The following PLAGL2 variants were observed in gnomAD, a reference collection of about 807,000 sequenced individuals.
PLAGL2 encodes the protein PLAG1 like zinc finger 2, also known as zinc finger protein PLAGL2.
A neutral mutation model predicts 29.0 loss-of-function variants in PLAGL2; 7 were observed. The observed-to-expected ratio is 0.24, with a 90% CI of 0.14 to 0.45. The LOEUF is 0.45. Among genes scored for constraint, PLAGL2 ranks in the 20% least tolerant of loss-of-function variants. The pLI, the probability that PLAGL2 is intolerant of heterozygous loss-of-function variation, is 0.99. For synonymous variants in PLAGL2, 234 were observed against 266.0 expected (o/e 0.88, Z 1.17); for missense variants, 454 against 648.2 (o/e 0.70, Z 3.25).
At position 32,196,743 on chromosome 20, in the gene PLAGL2, G is replaced by A. The variant is rs575278114; in HGVS notation, c.1200C>T (p.Pro400=). The change falls in exon 3 of 3, where the codon CCC becomes CCT. Residue 400 remains proline (P), a synonymous_variant. Coordinates refer to ENST00000246229, the MANE Select transcript of PLAGL2 (RefSeq NM_002657.3). ...LLDEALLAKS[P]ANLSEALCAA... Reference sequence around the variant, plus strand: ...CGCAGAGGGCCTCAGAGAGGTTGGCGGGGCTCTTGGCAAGCAGTGCTTCAT... The same window carrying A: ...CGCAGAGGGCCTCAGAGAGGTTGGCAGGGCTCTTGGCAAGCAGTGCTTCAT... 17 of 1,591,938 alleles carry A rather than the reference G, an allele frequency of 1.1e-5. No homozygotes were observed. The highest frequency in any genetic ancestry group is 1.3e-5 in the African/African-American group (1 of 74,688).
intron 1 of PLAGL2, among the ~76,000 whole-genome samples, chr20:32,205,130 C>T (rs2047279635): frequency 6.6e-6 from 1 of 152,172 alleles, no homozygotes; most frequent in African/African-American, 2.4e-5. Flanking sequence ...TGAAATAATA[C>T]TCTTGAAAGT....
rs1569139726 is a variant in PLAGL2 at position 32,197,959 on chromosome 20, TATG to T, written c.261-280_261-278del. On this transcript the variant is annotated intron_variant, in intron 2 of 2. Coordinates refer to ENST00000246229, the MANE Select transcript of PLAGL2 (RefSeq NM_002657.3). The surrounding 1 kb of genome is among the most constrained non-coding windows in gnomAD (Gnocchi z 6.6). ...TCAATAGGGAACTGGTTACATAAAT[TATG>T]ATAAGTCCATAAAATGACTCAACTT... Among the ~76,000 whole-genome samples the T allele has an allele frequency of 1.3e-5, 2 of 152,164 alleles. No homozygotes were observed. The highest frequency in any genetic ancestry group is 4.8e-5 in the African/African-American group (2 of 41,428).
Position 32,196,514 on chromosome 20 carries a change from G to T in PLAGL2, c.1429C>A (p.Pro477Thr), listed in dbSNP as rs1339100730. The change falls in exon 3 of 3, where the codon CCT (proline) becomes ACT (threonine). Residue 477 changes from proline (P) to threonine (T), a missense_variant. Pro to Thr is a conservative substitution (Grantham distance 38, BLOSUM62 -1). Around this residue, in one of 4 missense-constraint regions of PLAGL2, gnomAD observed 247 missense variants for 350.3 expected, o/e 0.71. Transcript: ENST00000246229. Reference sequence around the variant, plus strand: ...CTACTCAGGCCAGACGTGAAGACAGGAGGCAAGGAGTGCAGAGGCCCAAAG... The same window carrying T: ...CTACTCAGGCCAGACGTGAAGACAGTAGGCAAGGAGTGCAGAGGCCCAAAG... ...LNFGPLHSLP[P>T]VFTSGLSSTT... 3 of 1,521,676 alleles carry T rather than the reference G, an allele frequency of 2.0e-6. No homozygotes were observed. Among genetic ancestry groups the T allele is most frequent in the African/African-American group, 2.8e-5 (2 of 71,724 alleles). The allele number at this position is 1,521,676 out of a possible 1,614,324, so 94.3% of individuals were successfully genotyped here.
intron 1 of PLAGL2, among the ~76,000 whole-genome samples, chr20:32,204,447 G>A (rs1300550569): frequency 6.6e-6 from 1 of 152,196 alleles, no homozygotes; most frequent in Non-Finnish European, 1.5e-5. Context: ...GGCTGGTGGT[G>A]GCTAAGGAGC....
intron 1 of PLAGL2, among the ~76,000 whole-genome samples, chr20:32,206,060 T>A (rs2047285174): frequency 6.6e-6 from 1 of 152,148 alleles, no homozygotes; most frequent in Admixed American, 6.5e-5. Context: ...AGAACGTTCC[T>A]TGGGATAGAA....
chr20:32,197,372 G>T lies in PLAGL2; in HGVS notation c.571C>A (p.His191Asn). ...CGCCGGTCGCAGTGGTCACAGGGGT[G>T]CTTCTTCTCCTTGGCACCGCCTGCT... Reference protein sequence around the residue: ...RVAGGAKEKKHPCDHCDRRFY... With the variant: ...RVAGGAKEKKNPCDHCDRRFY... The change falls in exon 3 of 3, where the codon CAC becomes AAC. Residue 191 changes from histidine (H) to asparagine (N), a missense_variant. His to Asn is a moderately conservative substitution (Grantham distance 68). Around this residue, in one of 4 missense-constraint regions of PLAGL2, gnomAD observed 111 missense variants for 173.1 expected, o/e 0.64. Coordinates refer to ENST00000246229, the MANE Select transcript of PLAGL2 (RefSeq NM_002657.3). This position sits in a 1 kb window ranked among gnomAD's most constrained non-coding sequence, Gnocchi z 6.6. 1.2e-6 allele frequency: 2 copies of T among 1,609,364 alleles called. No individual in the cohort carries two copies. The highest frequency in any genetic ancestry group is 1.7e-6 in the Non-Finnish European group (2 of 1,178,392).
At position 32,197,637 on chromosome 20, in the gene PLAGL2, G is replaced by A. The variant is rs772649307; in HGVS notation, c.306C>T (p.Tyr102=). The stretch of plus-strand genomic sequence containing the variant: ...CCTTGCGGTGAAACATCTTATCACA[G>A]TACATACACTGGTGGGGTTTCTGGG... ...HSAQKPHQCM[Y]CDKMFHRKDH... The change falls in exon 3 of 3, where the codon TAC becomes TAT. Residue 102 remains tyrosine (Y), a synonymous_variant. Transcript: ENST00000246229. This position sits in a 1 kb window ranked among gnomAD's most constrained non-coding sequence, Gnocchi z 6.6. 9.9e-6 allele frequency: 16 copies of A among 1,614,024 alleles called. No individual in the cohort carries two copies. The highest frequency in any genetic ancestry group is 1.1e-5 in the South Asian group (1 of 91,090).
chr20:32,205,054 A>G (rs1458195974), intron 1 of PLAGL2, among the ~76,000 whole-genome samples: 1 of 152,184 alleles, frequency 6.6e-6, no homozygotes, highest in African/African-American at 2.4e-5. Context: ...TCTGAACCTC[A>G]GTTTCCTCAA....
intron 1 of PLAGL2, among the ~76,000 whole-genome samples, chr20:32,205,077 G>A (rs901118226): frequency 6.6e-6 from 1 of 151,990 alleles, no homozygotes; most frequent in Non-Finnish European, 1.5e-5. Context: ...TCTAAAATAC[G>A]GATTTATTTT....
intron 2 of PLAGL2, among the ~76,000 whole-genome samples, chr20:32,201,217 C>T (rs1272823042): frequency 2.0e-5 from 3 of 152,072 alleles, no homozygotes; most frequent in Admixed American, 6.6e-5. Flanking sequence ...TTCTAAAGTT[C>T]GAATACTGAT....
chr20:32,206,295 C>T (rs1477304277), intron 1 of PLAGL2, among the ~76,000 whole-genome samples: 1 of 151,650 alleles, frequency 6.6e-6, no homozygotes, highest in Non-Finnish European at 1.5e-5. Context: ...AATTAAATTA[C>T]AGGGAGGCTG....
intron 1 of PLAGL2, among the ~76,000 whole-genome samples, chr20:32,202,841 G>A (rs954804403): frequency 2.0e-5 from 3 of 152,172 alleles, no homozygotes; most frequent in Admixed American, 6.5e-5. Flanking sequence ...AGTCAGTCCT[G>A]GTACCAGATG....
rs1208439792 is a variant in PLAGL2 at position 32,195,389 on chromosome 20, C to G, written c.*1063G>C. 3 of 152,660 alleles carry G rather than the reference C, an allele frequency of 2.0e-5. No individual in the cohort carries two copies. The highest frequency in any genetic ancestry group is 7.2e-5 in the African/African-American group (3 of 41,446). The allele number at this position is 152,660 out of a possible 1,614,324, so 9.5% of individuals were successfully genotyped here. A position where few individuals can be genotyped will look rare whatever the true frequency, so the allele number is the denominator to read the frequency against. On this transcript the variant is annotated 3_prime_UTR_variant, in exon 3 of 3. Coordinates refer to ENST00000246229, the MANE Select transcript of PLAGL2 (RefSeq NM_002657.3). ...CTGCTTCCAAGACTAATAACAACAG[C>G]TCATGATGTTCAAGGTGGGGACTAG...
intron 1 of PLAGL2, among the ~76,000 whole-genome samples, chr20:32,204,991 C>T (rs2047278657): frequency 6.6e-6 from 1 of 152,220 alleles, no homozygotes; most frequent in Non-Finnish European, 1.5e-5. Flanking sequence ...GACTTGCTAT[C>T]AGAAGAGCTG....
At chr20:32,199,469 G>A (rs1021783000) in intron 2 of PLAGL2, among the ~76,000 whole-genome samples, 6 of 152,198 alleles carry the variant, frequency 3.9e-5, no homozygotes, top group Non-Finnish European at 8.8e-5. Flanking sequence ...TATATGTGAT[G>A]AGTCAGGGCT....
Position 32,206,307 on chromosome 20 carries a change from A to G in PLAGL2, c.-115+1334T>C, listed in dbSNP as rs60907087. Among the ~76,000 whole-genome samples, 988 of 152,108 alleles carry G rather than the reference A, an allele frequency of 6.5e-3. 12 individuals carry two copies. Among genetic ancestry groups the G allele is most frequent in the African/African-American group, 0.022 (907 of 41,504 alleles). On this transcript the variant is annotated intron_variant, in intron 1 of 2. Transcript: ENST00000246229. ...GAGAATTAAATTACAGGGAGGCTGGAGAGTCTCAATGACTTGCACCATTCC... is the reference window on the plus strand; with the variant it reads ...GAGAATTAAATTACAGGGAGGCTGGGGAGTCTCAATGACTTGCACCATTCC...
At chr20:32,203,123 C>G (rs1052484736) in intron 1 of PLAGL2, among the ~76,000 whole-genome samples, 2 of 152,234 alleles carry the variant, frequency 1.3e-5, no homozygotes, top group African/African-American at 2.4e-5. Flanking sequence ...ATTTACTCCT[C>G]TCCACCAGCC....
Position 32,207,690 on chromosome 20 carries a change from G to A in PLAGL2, c.-164C>T, listed in dbSNP as rs2047297613. Reference sequence around the variant, plus strand: ...GCCGGGCCGCGCTCGGGCTCCGCCAGGCCCCCTCAGGCCCCGGTAGTGGCG... The same window carrying A: ...GCCGGGCCGCGCTCGGGCTCCGCCAAGCCCCCTCAGGCCCCGGTAGTGGCG... On this transcript the variant is annotated 5_prime_UTR_variant, in exon 1 of 3. Transcript: ENST00000246229. The A allele has an allele frequency of 4.1e-6, 1 of 245,110 alleles. No individual in the cohort carries two copies. The allele number at this position is 245,110 out of a possible 1,614,324, so 15.2% of individuals were successfully genotyped here.
At chr20:32,205,326 T>C (rs2047280755) in intron 1 of PLAGL2, among the ~76,000 whole-genome samples, 1 of 152,124 alleles carries the variant, frequency 6.6e-6, no homozygotes, top group Non-Finnish European at 1.5e-5. Context: ...GTCTTCCCCT[T>C]TTCCCTCACA....
Sources: gnomAD v4.1 joint callset for allele counts (sites outside exome capture counted in the v4.1 genomes callset) on GRCh38, gnomAD v4.1.1 for gene constraint, gnomAD v4.1.1 regional missense constraint, Gnocchi (gnomAD v3.1) non-coding constraint, MANE v1.5 for transcripts, NCBI Gene and HGNC (gene_info 2026-07-23, HGNC 2026-07-21) for gene names.